Variants in SGCD observed in about 807,000 individuals in gnomAD.
SGCD encodes sarcoglycan delta.
A neutral mutation model predicts 36.6 loss-of-function variants in SGCD; 18 were observed. The ratio of observed to expected loss-of-function variants is 0.49; its 90% CI spans 0.34 to 0.73. The LOEUF (loss-of-function observed/expected upper bound fraction) is 0.73. Among genes scored for constraint, SGCD ranks in the 30% least tolerant of loss-of-function variants. The pLI is 0.01. For synonymous variants in SGCD, 133 were observed against 130.6 expected (o/e 1.02, Z -0.12); for missense variants, 387 against 346.7 (o/e 1.12, Z -0.92).
chr5:156,496,500 G>A (rs1354914214), intron 3 of SGCD, among the ~76,000 whole-genome samples: 2 of 152,088 alleles, frequency 1.3e-5, no homozygotes, highest in African/African-American at 4.8e-5. Flanking sequence ...GTGTAATTGT[G>A]ATTCTTTTTG....
intron 3 of SGCD, among the ~76,000 whole-genome samples, chr5:156,145,999 G>A (rs756251069): frequency 7.2e-5 from 11 of 152,128 alleles, no homozygotes; most frequent in Non-Finnish European, 1.0e-4. Context: ...GGATCACGAG[G>A]TCAGGAGATC....
At chr5:156,473,616 G>A (rs1261171354) in intron 3 of SGCD, among the ~76,000 whole-genome samples, 1 of 152,272 alleles carries the variant, frequency 6.6e-6, no homozygotes, top group Non-Finnish European at 1.5e-5. Context: ...TGTTTTCTTT[G>A]AAAGAGATTG....
chr5:156,641,441 G>A (rs1378371027), intron 6 of SGCD, among the ~76,000 whole-genome samples: 1 of 152,178 alleles, frequency 6.6e-6, no homozygotes, highest in Non-Finnish European at 1.5e-5. Flanking sequence ...ACAGAAGATA[G>A]TGTTCATTAC....
chr5:156,201,226 C>T (rs1764142323), intron 3 of SGCD, among the ~76,000 whole-genome samples: 1 of 152,026 alleles, frequency 6.6e-6, no homozygotes, highest in South Asian at 2.1e-4. Context: ...AAATTTAATG[C>T]TATGTAGGTT....
chr5:156,556,114 A>G (rs1038477190), intron 4 of SGCD, among the ~76,000 whole-genome samples: 4 of 126,146 alleles, frequency 3.2e-5, no homozygotes, highest in African/African-American at 1.3e-4. Context: ...TTTCTGATAC[A>G]GATAAGAAAA....
chr5:156,561,975 C>T (rs1047929117), intron 4 of SGCD, among the ~76,000 whole-genome samples: 3 of 152,114 alleles, frequency 2.0e-5, no homozygotes, highest in African/African-American at 7.2e-5. Context: ...AGCCCTCAGG[C>T]ACATGTATTG....
the SGCD span, among the ~76,000 whole-genome samples, chr5:155,793,911 A>G: frequency 1.4e-5 from 2 of 146,736 alleles, no homozygotes; most frequent in Non-Finnish European, 3.0e-5. Flanking sequence ...CCCTCAACAT[A>G]TTTGCTGAAT....
At chr5:155,779,567 AT>A in the SGCD span, among the ~76,000 whole-genome samples, 31 of 152,166 alleles carry the variant, frequency 2.0e-4, no homozygotes, top group East Asian at 4.8e-3. Context: ...TTTTCTCACT[AT>A]TTTCATCTTA....
At chr5:156,249,225 G>A (rs1236081077) in intron 3 of SGCD, among the ~76,000 whole-genome samples, 1 of 152,090 alleles carries the variant, frequency 6.6e-6, no homozygotes, top group African/African-American at 2.4e-5. Context: ...GGTGGAAGAA[G>A]GCAAACTTGT....
At chr5:155,791,176 A>G in the SGCD span, among the ~76,000 whole-genome samples, 17 of 152,116 alleles carry the variant, frequency 1.1e-4, no homozygotes, top group Non-Finnish European at 4.4e-5. Flanking sequence ...TCCTGGGAAT[A>G]TTTGCTATTT....
At chr5:156,273,910 A>T (rs1228622619) in intron 3 of SGCD, among the ~76,000 whole-genome samples, 1 of 152,142 alleles carries the variant, frequency 6.6e-6, no homozygotes, top group African/African-American at 2.4e-5. Context: ...GAGGAAACCC[A>T]ATTCTATTCT....
intron 1 of SGCD, among the ~76,000 whole-genome samples, chr5:156,072,144 T>C (rs1760592251): frequency 6.6e-6 from 1 of 150,808 alleles, no homozygotes; most frequent in African/African-American, 2.5e-5. Flanking sequence ...AAAGTTAATA[T>C]TGTTATGTGT....
rs149448540 is a variant in SGCD, at chr5:155,945,616, G to A, written c.-282+75192G>A. ...TCTCATGATTTAAGTCTTCTGCTGA[G>A]CCAGCAAGTGGAGTGTCCAAGCATA... On this transcript the variant is annotated intron_variant, in intron 1 of 9. Coordinates refer to the SGCD transcript ENST00000517913. Among the ~76,000 whole-genome samples the A allele has an allele frequency of 7.2e-5, 11 of 152,316 alleles. No homozygotes were observed. In the East Asian group the frequency reaches 2.1e-3, roughly 29 times the overall value.
chr5:156,083,152 A>G (rs1323202781), intron 1 of SGCD, among the ~76,000 whole-genome samples: 1 of 151,916 alleles, frequency 6.6e-6, no homozygotes, highest in Non-Finnish European at 1.5e-5. Context: ...AGACTTCTGT[A>G]TATATTCAAG....
chr5:156,723,194 C>G (rs1333022191), intron 7 of SGCD, among the ~76,000 whole-genome samples: 1 of 152,090 alleles, frequency 6.6e-6, no homozygotes, highest in Non-Finnish European at 1.5e-5. Context: ...GAAGGAGCAC[C>G]AAGTTATCTG....
chr5:156,129,826 T>C (rs868554798), intron 3 of SGCD, among the ~76,000 whole-genome samples: 1 of 150,694 alleles, frequency 6.6e-6, no homozygotes. Context: ...GATGTTGTTC[T>C]TTTTTATGGC....
chr5:155,819,876 A>G, the SGCD span, among the ~76,000 whole-genome samples: 2 of 152,212 alleles, frequency 1.3e-5, no homozygotes, highest in South Asian at 4.1e-4. Context: ...TTGCTCAGGA[A>G]TGTCATCATC....
At chr5:155,741,265 G>A in the SGCD span, among the ~76,000 whole-genome samples, 4 of 152,108 alleles carry the variant, frequency 2.6e-5, no homozygotes, top group South Asian at 2.1e-4. Flanking sequence ...AAAATAAATG[G>A]TAAATGTCTT....
At chr5:156,036,084 C>G (rs1300202798) in intron 1 of SGCD, among the ~76,000 whole-genome samples, 1 of 152,074 alleles carries the variant, frequency 6.6e-6, no homozygotes, top group Admixed American at 6.6e-5. Context: ...TAGACCAGGG[C>G]TTAGGGAAGC....
Sources: gnomAD v4.1 joint callset for allele counts (sites outside exome capture counted in the v4.1 genomes callset) on GRCh38, gnomAD v4.1.1 for gene constraint, MANE v1.5 for transcripts, NCBI Gene and HGNC (gene_info 2026-07-23, HGNC 2026-07-21) for gene names.